SPECC1L: variants seen among roughly 807,000 people sequenced by gnomAD.
The protein encoded by SPECC1L is cytospin-A.
Under a neutral mutation model 116.8 loss-of-function variants are expected in SPECC1L, and 40 were observed. That is an observed-to-expected ratio of 0.34 (90% CI 0.27 to 0.45). The LOEUF (loss-of-function observed/expected upper bound fraction) is 0.45, where lower values mean the gene tolerates loss of function less well. SPECC1L is among the 20% of genes least tolerant of loss of function. The pLI is 1.00. For synonymous variants in SPECC1L, 504 were observed against 500.6 expected, an observed-to-expected ratio of 1.01 and a Z score of -0.09; for missense variants, 1,110 against 1,373.6, an observed-to-expected ratio of 0.81 and a Z score of 3.03.
intron 2 of SPECC1L, among the ~76,000 whole-genome samples, chr22:24,278,841 T>C (rs2048886863): frequency 6.6e-6 from 1 of 152,188 alleles, no homozygotes; most frequent in Admixed American, 6.5e-5. Flanking sequence ...CATCGTAAAA[T>C]GTAAAATAGG....
In SPECC1L at chr22:24,328,845, GA is replaced by G; in HGVS notation, c.2147del (p.Asn716IlefsTer17). The G allele has an allele frequency of 6.2e-7, 1 of 1,610,852 alleles. No homozygotes were observed. The highest frequency in any genetic ancestry group is 8.5e-7 in the Non-Finnish European group (1 of 1,177,202). ...TATTTAAACTTTGGTGATCTTTTCA[GA>G]TACAGTTAAAAAACTCCAGGACCAA... is the stretch of plus-strand genomic sequence containing the variant. ...HDNLIISDLENTVKKLQDQKH... is the reference protein window; with the variant it reads ...HDNLIISDLEXTVKKLQDQKH... On this transcript the variant is annotated frameshift_variant and splice_region_variant, in exon 7 of 17. Transcript: ENST00000314328. LOFTEE classifies it high-confidence loss of function.
At chr22:24,409,611 C>T (rs2042654385) in intron 14 of SPECC1L, among the ~76,000 whole-genome samples, 1 of 152,078 alleles carries the variant, frequency 6.6e-6, no homozygotes, top group African/African-American at 2.4e-5. Flanking sequence ...TATGATTGTG[C>T]CACTGCACTC....
chr22:24,289,808 G>A (rs897750334), intron 2 of SPECC1L, among the ~76,000 whole-genome samples: 4 of 150,980 alleles, frequency 2.6e-5, no homozygotes, highest in African/African-American at 7.3e-5. Flanking sequence ...TTCTGTCCAC[G>A]TGGGGTTATT....
chr22:24,402,118 C>T (rs1386623423), intron 14 of SPECC1L, among the ~76,000 whole-genome samples: 2 of 140,676 alleles, frequency 1.4e-5, no homozygotes, highest in Non-Finnish European at 3.1e-5. Flanking sequence ...CTTCCCCTTC[C>T]TTCCCCTTCC....
chr22:24,303,871 G>GTGTGTGTGTGTGTGTT, intron 3 of SPECC1L, among the ~76,000 whole-genome samples: 1 of 151,002 alleles, frequency 6.6e-6, no homozygotes, highest in Middle Eastern at 3.4e-3. Flanking sequence ...GTGTGTGTGT[G>GTGTGTGTGTGTGTGTT]TGTGTGTGTG....
chr22:24,342,864 G>T (rs2041206921), intron 10 of SPECC1L, among the ~76,000 whole-genome samples: 1 of 151,866 alleles, frequency 6.6e-6, no homozygotes. Flanking sequence ...AAGGCGGGTC[G>T]GGGGGCAGAG....
intron 2 of SPECC1L, among the ~76,000 whole-genome samples, chr22:24,298,495 T>C (rs1035560531): frequency 2.0e-5 from 3 of 152,206 alleles, no homozygotes; most frequent in Admixed American, 6.5e-5. Flanking sequence ...CATGCAATTA[T>C]GGAGGCTGAG....
chr22:24,281,302 G>T (rs2146337240), intron 2 of SPECC1L, among the ~76,000 whole-genome samples: 1 of 152,202 alleles, frequency 6.6e-6, no homozygotes, highest in East Asian at 1.9e-4. Flanking sequence ...TAGGTCCTTT[G>T]CATTTCTGTG....
intron 14 of SPECC1L, among the ~76,000 whole-genome samples, chr22:24,390,879 T>TTTTC (rs2042257140): frequency 8.6e-6 from 1 of 116,932 alleles, no homozygotes; most frequent in African/African-American, 3.3e-5. Context: ...TTTCTTTTTT[T>TTTTC]TTTTTTTTTT....
intron 3 of SPECC1L, among the ~76,000 whole-genome samples, chr22:24,306,143 G>T (rs1300747370): frequency 6.6e-6 from 1 of 151,984 alleles, no homozygotes; most frequent in East Asian, 1.9e-4. Flanking sequence ...CCGACCTCAG[G>T]TCATCCACCC....
rs1215945820 is a variant in SPECC1L at position 24,415,625 on chromosome 22, T to C, written c.*1002T>C. ...GTGTCATTTAAACTCACTGAGTCACTAAGACATAATTCTCCTAGGCCAGAG... is the reference window on the plus strand; with the variant it reads ...GTGTCATTTAAACTCACTGAGTCACCAAGACATAATTCTCCTAGGCCAGAG... On this transcript the variant is annotated 3_prime_UTR_variant, in exon 17 of 17. Coordinates refer to ENST00000314328, the MANE Select transcript of SPECC1L (RefSeq NM_015330.6). The C allele has an allele frequency of 6.6e-6, 1 of 152,522 alleles. No individual in the cohort carries two copies. The highest frequency in any genetic ancestry group is 1.5e-5 in the Non-Finnish European group (1 of 68,030). The allele number at this position is 152,522 out of a possible 1,614,324, so 9.4% of individuals were successfully genotyped here. A position where few individuals can be genotyped will look rare whatever the true frequency, so the allele number is the denominator to read the frequency against.
At chr22:24,295,585 T>G (rs2049244089) in intron 2 of SPECC1L, among the ~76,000 whole-genome samples, 1 of 152,138 alleles carries the variant, frequency 6.6e-6, no homozygotes. Flanking sequence ...GCAATAAATA[T>G]TCTGCTCTAA....
At chr22:24,290,110 T>C (rs546580104) in intron 2 of SPECC1L, among the ~76,000 whole-genome samples, 1 of 152,116 alleles carries the variant, frequency 6.6e-6, no homozygotes, top group Non-Finnish European at 1.5e-5. Context: ...TTGATTAAAG[T>C]GGCCACTCAG....
rs62233063 is a variant in SPECC1L, at chr22:24,276,190, G to A, written c.-141-510G>A. Reference sequence around the variant, plus strand: ...CCGAGAGTTCGAGACCAGCCTGGGCGACATAACGGGACCCTGTCTGTACAG... The same window carrying A: ...CCGAGAGTTCGAGACCAGCCTGGGCAACATAACGGGACCCTGTCTGTACAG... On this transcript the variant is annotated intron_variant, in intron 1 of 16. Coordinates refer to ENST00000314328, the MANE Select transcript of SPECC1L (RefSeq NM_015330.6). Among the ~76,000 whole-genome samples the A allele has an allele frequency of 7.4e-3, 1,127 of 151,998 alleles. 6 individuals carry two copies. Among genetic ancestry groups the A allele is most frequent in the South Asian group, 0.012 (59 of 4,794 alleles).
chr22:24,318,670 A>G (rs991265006), intron 4 of SPECC1L, among the ~76,000 whole-genome samples: 3 of 152,130 alleles, frequency 2.0e-5, no homozygotes, highest in Admixed American at 1.3e-4. Flanking sequence ...CTGTAATCCC[A>G]GCACTTTAGG....
At chr22:24,327,724 A>T (rs1018753535) in intron 6 of SPECC1L, among the ~76,000 whole-genome samples, 1 of 152,104 alleles carries the variant, frequency 6.6e-6, no homozygotes, top group African/African-American at 2.4e-5. Flanking sequence ...TGGCACATTT[A>T]TAAATTTATT....
At chr22:24,360,489 T>C (rs1161039372) in intron 11 of SPECC1L, among the ~76,000 whole-genome samples, 1 of 152,208 alleles carries the variant, frequency 6.6e-6, no homozygotes, top group Non-Finnish European at 1.5e-5. Flanking sequence ...CTTGGATCCT[T>C]AACCATGCAG....
At chr22:24,411,844 C>A (rs1225635990) in intron 15 of SPECC1L, 140 bp downstream of exon 15, 28 of 753,942 alleles carry the variant, frequency 3.7e-5, no homozygotes, top group Admixed American at 3.2e-4. Context: ...CTTCTGGGAT[C>A]AGGTCATTCA....
intron 14 of SPECC1L, among the ~76,000 whole-genome samples, chr22:24,375,796 A>G (rs2041959798): frequency 1.3e-5 from 2 of 152,102 alleles, no homozygotes; most frequent in South Asian, 4.1e-4. Flanking sequence ...TTACTAATAC[A>G]AAAACTAGCC....
Sources: allele counts gnomAD v4.1 joint callset (sites outside exome capture counted in the v4.1 genomes callset), GRCh38; gene constraint gnomAD v4.1.1; transcripts MANE v1.5; gene names NCBI Gene and HGNC (gene_info 2026-07-23, HGNC 2026-07-21).